The following STAU2 variants were observed in gnomAD, a reference collection of about 807,000 sequenced individuals.
STAU2 encodes the protein double-stranded RNA-binding protein Staufen homolog 2.
In STAU2, 20 loss-of-function variants were observed where a neutral mutation model predicts 65.9. The observed-to-expected ratio is 0.30, with a 90% CI of 0.21 to 0.44. The LOEUF (loss-of-function observed/expected upper bound fraction) is 0.44, where lower values mean the gene tolerates loss of function less well. STAU2 is among the 20% of genes least tolerant of loss of function. STAU2 has a pLI of 1.00. For synonymous variants in STAU2, 232 were observed against 233.9 expected, an observed-to-expected ratio of 0.99 and a Z score of 0.07; for missense variants, 558 against 683.9, an observed-to-expected ratio of 0.82 and a Z score of 2.05.
intron 6 of STAU2, among the ~76,000 whole-genome samples, chr8:73,649,766 A>T (rs1815692503): frequency 6.6e-6 from 1 of 150,632 alleles, no homozygotes. Flanking sequence ...AACGCTTTAG[A>T]TGTCTTTGAG....
chr8:73,456,491 A>G (rs983980685), intron 13 of STAU2, among the ~76,000 whole-genome samples: 3 of 152,120 alleles, frequency 2.0e-5, no homozygotes, highest in African/African-American at 7.2e-5. Flanking sequence ...GGATGTAAAG[A>G]AATTGGAAAT....
At chr8:73,696,707 T>A (rs1819712429) in intron 4 of STAU2, among the ~76,000 whole-genome samples, 1 of 151,994 alleles carries the variant, frequency 6.6e-6, no homozygotes, top group Non-Finnish European at 1.5e-5. Flanking sequence ...AGAAAAAAAT[T>A]AAAAAGCAAT....
intron 12 of STAU2, among the ~76,000 whole-genome samples, chr8:73,560,226 T>G (rs1026503155): frequency 3.3e-5 from 5 of 151,724 alleles, no homozygotes; most frequent in Non-Finnish European, 7.4e-5. Context: ...GACTACAGGC[T>G]CCCACCACCA....
chr8:73,585,400 A>G (rs1048082029), intron 11 of STAU2, among the ~76,000 whole-genome samples: 1 of 152,214 alleles, frequency 6.6e-6, no homozygotes, highest in Admixed American at 6.5e-5. Flanking sequence ...GAATCGCTTG[A>G]ACCCGGGAGG....
intron 13 of STAU2, among the ~76,000 whole-genome samples, chr8:73,533,988 C>A (rs1427246371): frequency 6.6e-6 from 1 of 151,948 alleles, no homozygotes; most frequent in African/African-American, 2.4e-5. Flanking sequence ...TAATGGCCAC[C>A]CCCTATGGAA....
chr8:73,713,113 T>A (rs1376120274), intron 3 of STAU2, among the ~76,000 whole-genome samples: 1 of 152,226 alleles, frequency 6.6e-6, no homozygotes, highest in Non-Finnish European at 1.5e-5. Flanking sequence ...CCTTCACTGA[T>A]ACGAAACTTG....
intron 6 of STAU2, among the ~76,000 whole-genome samples, chr8:73,631,824 A>G (rs112699540): frequency 3.5e-3 from 533 of 152,348 alleles, no homozygotes; most frequent in Middle Eastern, 6.8e-3. Flanking sequence ...CAAACTGAGA[A>G]AAGCAGTAAG....
At chr8:73,614,256 A>G (rs1332262313) in intron 8 of STAU2, among the ~76,000 whole-genome samples, 2 of 152,210 alleles carry the variant, frequency 1.3e-5, no homozygotes, top group Non-Finnish European at 2.9e-5. Context: ...AAATTTAAGA[A>G]CATCAAAGAT....
chr8:73,652,726 A>G (rs1267887906), intron 6 of STAU2: 1 of 148,880 alleles, frequency 6.7e-6, no homozygotes, highest in Non-Finnish European at 1.5e-5. Flanking sequence ...CTCTGTCCCA[A>G]AAAAAAAAAA....
At chr8:73,701,503 A>C (rs1820098539) in intron 4 of STAU2, among the ~76,000 whole-genome samples, 1 of 152,214 alleles carries the variant, frequency 6.6e-6, no homozygotes, top group Admixed American at 6.5e-5. Context: ...TGATCATCAG[A>C]GAAATGCAAA....
At chr8:73,533,077 T>C (rs909592711) in intron 13 of STAU2, among the ~76,000 whole-genome samples, 1 of 152,218 alleles carries the variant, frequency 6.6e-6, no homozygotes, top group Non-Finnish European at 1.5e-5. Flanking sequence ...TGGTCACTCA[T>C]TGGCTTAGAA....
In STAU2 at chr8:73,744,520, A is replaced by T. The variant is rs550018152; in HGVS notation, c.-197+2263T>A. On this transcript the variant is annotated intron_variant, in intron 1 of 14. Coordinates refer to ENST00000524300, the MANE Select transcript of STAU2 (RefSeq NM_001164380.2). The stretch of plus-strand genomic sequence containing the variant: ...AAAAAAAACCTACCATATCTTCTAG[A>T]ACCTAAACAGGAAAACCGCTCTGCC... Among the ~76,000 whole-genome samples, 148 of 151,690 alleles carry T rather than the reference A, an allele frequency of 9.8e-4. 1 individual carries two copies. Among genetic ancestry groups the T allele is most frequent in the Middle Eastern group, 6.9e-3 (2 of 290 alleles).
intron 13 of STAU2, among the ~76,000 whole-genome samples, chr8:73,523,478 G>A (rs1034130721): frequency 6.6e-5 from 10 of 152,116 alleles, no homozygotes; most frequent in South Asian, 2.1e-4. Flanking sequence ...TTTTTAGAGT[G>A]TAGTTCAGTG....
intron 12 of STAU2, among the ~76,000 whole-genome samples, chr8:73,569,846 C>G (rs1808908152): frequency 6.6e-6 from 1 of 152,198 alleles, no homozygotes; most frequent in Admixed American, 6.5e-5. Context: ...GATAAAACCA[C>G]AAAGATGGGG....
chr8:73,627,949 C>T (rs1342432365), intron 6 of STAU2, among the ~76,000 whole-genome samples: 3 of 151,852 alleles, frequency 2.0e-5, no homozygotes, highest in Admixed American at 6.6e-5. Flanking sequence ...AAGTGACAAA[C>T]CAGTTGAAAA....
intron 6 of STAU2, among the ~76,000 whole-genome samples, chr8:73,624,323 C>T (rs796620128): frequency 2.0e-5 from 3 of 152,282 alleles, no homozygotes; most frequent in African/African-American, 4.8e-5. Context: ...CTATGCAAAG[C>T]ACAGCACGTT....
chr8:73,678,753 T>C (rs1429076718), intron 5 of STAU2, among the ~76,000 whole-genome samples: 1 of 152,212 alleles, frequency 6.6e-6, no homozygotes, highest in Non-Finnish European at 1.5e-5. Context: ...GACAATCTTT[T>C]AGGAACTTCA....
intron 13 of STAU2, chr8:73,549,883 G>A (rs894029359): frequency 3.2e-5 from 32 of 985,596 alleles, no homozygotes; most frequent in Non-Finnish European, 3.7e-5. Flanking sequence ...CTAAACTACA[G>A]TCCAATTAAA....
At chr8:73,492,668 G>C (rs1821207040) in intron 13 of STAU2, among the ~76,000 whole-genome samples, 1 of 151,760 alleles carries the variant, frequency 6.6e-6, no homozygotes, top group South Asian at 2.1e-4. Context: ...TATGGTATGA[G>C]GAAACAGGTA....
Sources: allele counts gnomAD v4.1 joint callset (sites outside exome capture counted in the v4.1 genomes callset), GRCh38; gene constraint gnomAD v4.1.1; transcripts MANE v1.5; gene names NCBI Gene and HGNC (gene_info 2026-07-23, HGNC 2026-07-21).